USP32: variants seen among roughly 807,000 people sequenced by gnomAD.
The protein encoded by USP32 is ubiquitin carboxyl-terminal hydrolase 32.
Under a neutral mutation model 204.8 loss-of-function variants are expected in USP32, and 59 were observed. The observed-to-expected ratio is 0.29, with a 90% CI of 0.23 to 0.36. The LOEUF is 0.36. USP32 is among the 10% of genes least tolerant of loss of function. The pLI, the probability that USP32 is intolerant of heterozygous loss-of-function variation, is 1.00. For synonymous variants in USP32, 517 were observed against 678.4 expected (o/e 0.76, Z 3.70); for missense variants, 1,160 against 1,946.4 (o/e 0.60, Z 7.60).
rs1404920197 is a variant in USP32, at chr17:60,349,618, T to A, written c.59-4010A>T. Among the ~76,000 whole-genome samples, 103 of 69,408 alleles carry A rather than the reference T, an allele frequency of 1.5e-3. 1 individual carries two copies. Among genetic ancestry groups the A allele is most frequent in the African/African-American group, 2.1e-3 (18 of 8,652 alleles). The allele number at this position is 69,408 out of a possible 152,430, so 45.5% of individuals were successfully genotyped here. ...AAAAATATATATATATATATATATA[T>A]ATATATTATATATATATATATATAT... On this transcript the variant is annotated intron_variant, in intron 1 of 33. Coordinates refer to ENST00000300896, the MANE Select transcript of USP32 (RefSeq NM_032582.4).
At chr17:60,180,462 G>A in intron 33 of USP32, 83 bp downstream of exon 33, 2 of 1,416,624 alleles carry the variant, frequency 1.4e-6, no homozygotes, top group Non-Finnish European at 2.0e-6. Context: ...CTATTCAAGA[G>A]ATAGTCCATT....
At position 60,208,685 on chromosome 17, in the gene USP32, T is replaced by C. The variant is rs2084891347; in HGVS notation, c.2742A>G (p.Pro914=). 2 of 1,581,138 alleles carry C rather than the reference T, an allele frequency of 1.3e-6. No homozygotes were observed. The highest frequency in any genetic ancestry group is 8.6e-7 in the Non-Finnish European group (1 of 1,163,972). The part of the protein sequence containing the change: ...DPFNFLSLPL[P]MDSYMHLEIT... ...TTTCTAAGTGCATATAACTGTCCATTGGTAGTGGCAAAGACAAAAAATTGA... is the reference window on the plus strand; with the variant it reads ...TTTCTAAGTGCATATAACTGTCCATCGGTAGTGGCAAAGACAAAAAATTGA... The change falls in exon 23 of 34, where the codon CCA becomes CCG. Residue 914 remains proline (P), a synonymous_variant. Transcript: ENST00000300896.
Position 60,200,173 on chromosome 17 carries a change from G to A in USP32, c.3250-1729C>T, listed in dbSNP as rs572043332. Among the ~76,000 whole-genome samples, 12 of 147,276 alleles carry A rather than the reference G, an allele frequency of 8.1e-5. No individual in the cohort carries two copies. In the East Asian group the frequency reaches 1.6e-3, roughly 20 times the overall value. ...CGTGCCATTGCACTCCAGCCTGGCCGACAACAGCAAGACTCTGTCTCAACC... is the reference window on the plus strand; with the variant it reads ...CGTGCCATTGCACTCCAGCCTGGCCAACAACAGCAAGACTCTGTCTCAACC... On this transcript the variant is annotated intron_variant, in intron 26 of 33. Transcript: ENST00000300896.
intron 1 of USP32, among the ~76,000 whole-genome samples, chr17:60,366,695 G>T (rs910264522): frequency 1.3e-5 from 2 of 151,672 alleles, no homozygotes; most frequent in Admixed American, 6.6e-5. Flanking sequence ...GAGCCCAAGA[G>T]CTTGAGACCA....
At chr17:60,309,234 C>A (rs558707172) in intron 2 of USP32, among the ~76,000 whole-genome samples, 4 of 151,808 alleles carry the variant, frequency 2.6e-5, no homozygotes, top group Non-Finnish European at 1.5e-5. Context: ...TGCAAAATAC[C>A]CATCTTACAA....
chr17:60,422,030 C>T, intron 1 of USP32: 1 of 870,736 alleles, frequency 1.1e-6, no homozygotes, highest in Non-Finnish European at 1.4e-6. Context: ...CACCCAGCAC[C>T]CAGCACGGAG....
intron 12 of USP32, among the ~76,000 whole-genome samples, chr17:60,227,545 C>T (rs1421557799): frequency 6.6e-6 from 1 of 151,418 alleles, no homozygotes; most frequent in Admixed American, 6.6e-5. Flanking sequence ...GCTGGAATTA[C>T]AGGCGTGAGC....
At chr17:60,220,423 C>A (rs1464523753) in intron 15 of USP32, among the ~76,000 whole-genome samples, 2 of 152,072 alleles carry the variant, frequency 1.3e-5, no homozygotes, top group African/African-American at 4.8e-5. Context: ...GTTCTACTTG[C>A]GTAACCAGTC....
intron 2 of USP32, among the ~76,000 whole-genome samples, chr17:60,306,308 A>G (rs1244722351): frequency 1.3e-5 from 2 of 152,172 alleles, no homozygotes; most frequent in Non-Finnish European, 2.9e-5. Flanking sequence ...TGTTATTTAT[A>G]TAATTTGTTG....
intron 5 of USP32, among the ~76,000 whole-genome samples, chr17:60,272,154 T>C (rs139224337): frequency 5.0e-4 from 76 of 152,322 alleles, no homozygotes; most frequent in African/African-American, 1.7e-3. Flanking sequence ...GATTTAAAGT[T>C]TCTATGTACA....
chr17:60,192,375 C>A (rs1344717085), intron 28 of USP32, among the ~76,000 whole-genome samples: 4 of 152,148 alleles, frequency 2.6e-5, no homozygotes, highest in African/African-American at 9.7e-5. Context: ...TTGGTATGGA[C>A]TGTAGTTTAT....
In USP32 at chr17:60,190,872, A is replaced by G. The variant is rs74948909; in HGVS notation, c.3522-189T>C. 9.5e-3 allele frequency among the ~76,000 whole-genome samples: 1,453 copies of G among 152,312 alleles called. 33 individuals are homozygous for G. The highest frequency in any genetic ancestry group is 0.034 in the African/African-American group (1,397 of 41,568). ...TTAATAATTAGTACAGTTTCAGGGAATCATGCTTTTCATTTTTCAAGTCTT... is the reference window on the plus strand; with the variant it reads ...TTAATAATTAGTACAGTTTCAGGGAGTCATGCTTTTCATTTTTCAAGTCTT... On this transcript the variant is annotated intron_variant, in intron 28 of 33. Transcript: ENST00000300896.
intron 2 of USP32, chr17:60,305,285 C>G (rs182548991): frequency 7.9e-5 from 12 of 152,286 alleles, no homozygotes; most frequent in Admixed American, 2.6e-4. Context: ...GAAGGGGGAG[C>G]AGAGAACAAG....
Position 60,368,721 on chromosome 17 carries a change from G to A in USP32, c.59-23113C>T, listed in dbSNP as rs544949477. Among the ~76,000 whole-genome samples, 36 of 152,250 alleles carry A rather than the reference G, an allele frequency of 2.4e-4. No individual in the cohort carries two copies. The South Asian group carries it at 7.5e-3, about 32-fold the overall frequency. On this transcript the variant is annotated intron_variant, in intron 1 of 33. Transcript: ENST00000300896. Reference sequence around the variant, plus strand: ...TGCACATAGTAAGCACTTCACAGTTGTCAGCAATTTCCTAATAATCATACA... The same window carrying A: ...TGCACATAGTAAGCACTTCACAGTTATCAGCAATTTCCTAATAATCATACA...
intron 26 of USP32, 55 bp downstream of exon 26, chr17:60,205,392 A>G (rs1337497509): frequency 1.3e-6 from 2 of 1,583,978 alleles, no homozygotes; most frequent in Non-Finnish European, 8.6e-7. Context: ...GAAAATGACT[A>G]TTTCACAAAT....
Position 60,181,550 on chromosome 17 carries a change from A to G in USP32, c.4322T>C (p.Leu1441Pro), listed in dbSNP as rs1458708178. The G allele has an allele frequency of 6.2e-7, 1 of 1,614,030 alleles. No individual in the cohort carries two copies. Among genetic ancestry groups the G allele is most frequent in the East Asian group, 2.2e-5 (1 of 44,880 alleles). Reference sequence around the variant, plus strand: ...ATGCCCTCGACTCAAGGCGTCAGCCAGCTCACATATCTGCCCAGCCCCATT... The same window carrying G: ...ATGCCCTCGACTCAAGGCGTCAGCCGGCTCACATATCTGCCCAGCCCCATT... ...KENGAGQICELADALSRGHVL... is the reference protein window; with the variant it reads ...KENGAGQICEPADALSRGHVL... The change falls in exon 32 of 34, where the codon CTG becomes CCG. Residue 1441 changes from leucine to proline, a missense_variant. This residue lies in a region of USP32 where 244 missense variants were observed against 342.3 expected (regional missense o/e 0.71). Coordinates refer to ENST00000300896, the MANE Select transcript of USP32 (RefSeq NM_032582.4).
At chr17:60,240,561 G>C (rs962065883) in intron 11 of USP32, among the ~76,000 whole-genome samples, 6 of 152,052 alleles carry the variant, frequency 3.9e-5, no homozygotes. Context: ...TTGCAGAATG[G>C]CGCTGTGCTG....
chr17:60,383,661 A>C (rs987086336), intron 1 of USP32, among the ~76,000 whole-genome samples: 1 of 152,256 alleles, frequency 6.6e-6, no homozygotes, highest in African/African-American at 2.4e-5. Context: ...TGAGCCAGAC[A>C]TGTAAAAATT....
At chr17:60,232,125 C>T (rs56201414) in intron 12 of USP32, among the ~76,000 whole-genome samples, 1 of 149,434 alleles carries the variant, frequency 6.7e-6, no homozygotes, top group Non-Finnish European at 1.5e-5. Context: ...AGATGAAGCT[C>T]TAAGATCAAA....
Sources: allele counts gnomAD v4.1 joint callset (sites outside exome capture counted in the v4.1 genomes callset), GRCh38; gene constraint gnomAD v4.1.1; regional missense constraint gnomAD v4.1.1; transcripts MANE v1.5; gene names NCBI Gene and HGNC (gene_info 2026-07-23, HGNC 2026-07-21).